The following SH3GL2 variants were observed in gnomAD, a reference collection of about 807,000 sequenced individuals.
SH3GL2 encodes endophilin-A1.
SH3GL2 carries 24 observed loss-of-function variants against 46.0 expected under a neutral mutation model. The observed-to-expected ratio is 0.52, with a 90% confidence interval of 0.38 to 0.73. The LOEUF (loss-of-function observed/expected upper bound fraction) is 0.73, where lower values mean the gene tolerates loss of function less well. Among genes scored for constraint, SH3GL2 ranks in the 30% least tolerant of loss-of-function variants. The probability of loss-of-function intolerance (pLI) is 0.00; values close to 1 mark genes in which losing one functional copy is unlikely to be tolerated. For synonymous variants in SH3GL2, 196 were observed against 147.1 expected (o/e 1.33, Z -2.40); for missense variants, 413 against 424.2 (o/e 0.97, Z 0.23).
intron 1 of SH3GL2, among the ~76,000 whole-genome samples, chr9:17,688,535 T>A (rs1467918312): frequency 1.3e-4 from 19 of 151,974 alleles, no homozygotes; most frequent in Admixed American, 1.2e-3. Flanking sequence ...TCCAATACCA[T>A]CCTTCAGTAA....
intron 2 of SH3GL2, among the ~76,000 whole-genome samples, chr9:17,757,275 A>G (rs926848262): frequency 2.6e-5 from 4 of 152,238 alleles, no homozygotes; most frequent in Admixed American, 6.5e-5. Context: ...TAAAACACCA[A>G]AAGCAATGGC....
Position 17,786,500 on chromosome 9 carries a change from G to C in SH3GL2, c.307G>C (p.Glu103Gln). ...LAEAMLKFGR[E>Q]LGDDCNFGPA... ...AGAGGCCATGCTCAAATTTGGAAGA[G>C]AGCTTGGAGATGATTGCAACTTTGG... is the stretch of plus-strand genomic sequence containing the variant. The change falls in exon 4 of 9, where the codon GAG becomes CAG. Residue 103 changes from glutamate (E) to glutamine (Q), a missense_variant. Transcript: ENST00000380607. The C allele has an allele frequency of 6.2e-7, 1 of 1,613,498 alleles. No homozygotes were observed. The highest frequency in any genetic ancestry group is 8.5e-7 in the Non-Finnish European group (1 of 1,179,648).
intron 1 of SH3GL2, among the ~76,000 whole-genome samples, chr9:17,689,514 C>T (rs1006187244): frequency 6.6e-6 from 1 of 151,974 alleles, no homozygotes; most frequent in African/African-American, 2.4e-5. Flanking sequence ...GCAGATGACC[C>T]CTCCTTTTGA....
chr9:17,611,504 T>G (rs562727928), intron 1 of SH3GL2, among the ~76,000 whole-genome samples: 1 of 152,332 alleles, frequency 6.6e-6, no homozygotes, highest in South Asian at 2.1e-4. Context: ...ACCTTGACTT[T>G]CCATGTCATC....
At chr9:17,769,095 C>T (rs560443644) in intron 3 of SH3GL2, among the ~76,000 whole-genome samples, 15 of 152,284 alleles carry the variant, frequency 9.9e-5, no homozygotes, top group African/African-American at 3.1e-4. Flanking sequence ...GCTCAAATGT[C>T]ACCTAATTTG....
chr9:17,613,945 A>G (rs1457838306), intron 1 of SH3GL2, among the ~76,000 whole-genome samples: 1 of 152,194 alleles, frequency 6.6e-6, no homozygotes, highest in East Asian at 1.9e-4. Context: ...ATGAATGACG[A>G]CAATACTGGA....
chr9:17,729,600 C>T (rs1201404750), intron 1 of SH3GL2, among the ~76,000 whole-genome samples: 5 of 152,068 alleles, frequency 3.3e-5, no homozygotes, highest in South Asian at 4.1e-4. Flanking sequence ...TTAGGTCTGA[C>T]GTTTAAATCT....
chr9:17,628,339 T>A (rs1428708170), intron 1 of SH3GL2, among the ~76,000 whole-genome samples: 3 of 152,094 alleles, frequency 2.0e-5, no homozygotes, highest in Non-Finnish European at 4.4e-5. Context: ...AACATTAATC[T>A]ATTTCTCAAA....
chr9:17,630,150 T>C (rs1218520223), intron 1 of SH3GL2, among the ~76,000 whole-genome samples: 1 of 152,216 alleles, frequency 6.6e-6, no homozygotes, highest in Non-Finnish European at 1.5e-5. Context: ...ATAATTAGAA[T>C]TCAATGAATA....
At chr9:17,766,513 G>T (rs937947425) in intron 3 of SH3GL2, among the ~76,000 whole-genome samples, 2 of 152,108 alleles carry the variant, frequency 1.3e-5, no homozygotes, top group African/African-American at 4.8e-5. Context: ...AATCGATGTT[G>T]TCCAATAGAA....
chr9:17,680,486 C>T (rs1441631033), intron 1 of SH3GL2, among the ~76,000 whole-genome samples: 1 of 152,010 alleles, frequency 6.6e-6, no homozygotes, highest in African/African-American at 2.4e-5. Flanking sequence ...TCCCCTTTAT[C>T]ATTTTTTATT....
chr9:17,637,358 A>G (rs1819564535), intron 1 of SH3GL2, among the ~76,000 whole-genome samples: 1 of 152,174 alleles, frequency 6.6e-6, no homozygotes, highest in African/African-American at 2.4e-5. Flanking sequence ...CTTACATAAG[A>G]GGCTGTTTTA....
chr9:17,731,542 C>G (rs1031383201), intron 1 of SH3GL2, among the ~76,000 whole-genome samples: 1 of 151,950 alleles, frequency 6.6e-6, no homozygotes, highest in Admixed American at 6.6e-5. Flanking sequence ...GCAAAGGCAG[C>G]GTCATGCAAG....
intron 1 of SH3GL2, among the ~76,000 whole-genome samples, chr9:17,630,032 T>C (rs1819383690): frequency 1.3e-5 from 2 of 152,274 alleles, no homozygotes; most frequent in East Asian, 1.9e-4. Flanking sequence ...GGGACAGACA[T>C]AAAAAGCCTC....
intron 1 of SH3GL2, among the ~76,000 whole-genome samples, chr9:17,588,517 G>C (rs1428987363): frequency 1.3e-5 from 2 of 152,184 alleles, no homozygotes; most frequent in East Asian, 3.8e-4. Context: ...ACATGCTGTT[G>C]TTGGTTTAAA....
chr9:17,771,448 C>T (rs1014590284), intron 3 of SH3GL2, among the ~76,000 whole-genome samples: 3 of 152,176 alleles, frequency 2.0e-5, no homozygotes, highest in East Asian at 3.9e-4. Flanking sequence ...AGCAGTTCCT[C>T]CCTGGGCAAG....
intron 1 of SH3GL2, among the ~76,000 whole-genome samples, chr9:17,602,317 G>C (rs910419091): frequency 4.6e-5 from 7 of 152,184 alleles, no homozygotes; most frequent in Non-Finnish European, 1.0e-4. Flanking sequence ...CGAAAGTAAT[G>C]ATAGCTGCTG....
intron 1 of SH3GL2, among the ~76,000 whole-genome samples, chr9:17,661,244 CT>C (rs1820204834): frequency 1.3e-5 from 2 of 152,140 alleles, no homozygotes; most frequent in African/African-American, 4.8e-5. Flanking sequence ...AGAATTTAAT[CT>C]TTTAGCCCTG....
intron 1 of SH3GL2, among the ~76,000 whole-genome samples, chr9:17,630,918 T>G (rs1466534646): frequency 6.6e-6 from 1 of 152,070 alleles, no homozygotes; most frequent in Non-Finnish European, 1.5e-5. Flanking sequence ...CTACAATGAC[T>G]GTAGAAAATT....
Sources: gnomAD v4.1 joint callset for allele counts (sites outside exome capture counted in the v4.1 genomes callset) on GRCh38, gnomAD v4.1.1 for gene constraint, MANE v1.5 for transcripts, NCBI Gene and HGNC (gene_info 2026-07-23, HGNC 2026-07-21) for gene names.